KCNQ3: variants seen among roughly 807,000 people sequenced by gnomAD.
KCNQ3 encodes the protein potassium voltage-gated channel subfamily KQT member 3.
In KCNQ3, 30 loss-of-function variants were observed where a neutral mutation model predicts 92.5. The ratio of observed to expected loss-of-function variants is 0.32; its 90% CI spans 0.24 to 0.44. KCNQ3 has a LOEUF of 0.44. KCNQ3 is among the 20% of genes least tolerant of loss of function. The pLI, the probability that KCNQ3 is intolerant of heterozygous loss-of-function variation, is 1.00. For missense variants in KCNQ3, 913 were observed against 1,140.3 expected, an observed-to-expected ratio of 0.80 and a Z score of 2.87; for synonymous variants, 450 against 468.8, an observed-to-expected ratio of 0.96 and a Z score of 0.52.
intron 9 of KCNQ3, among the ~76,000 whole-genome samples, chr8:132,160,043 C>T (rs963848917): frequency 3.3e-5 from 5 of 152,090 alleles, no homozygotes; most frequent in African/African-American, 7.2e-5. Context: ...ATATAACAGG[C>T]AATCATCATA....
At chr8:132,338,191 T>C (rs1818420468) in intron 1 of KCNQ3, among the ~76,000 whole-genome samples, 1 of 152,160 alleles carries the variant, frequency 6.6e-6, no homozygotes, top group Non-Finnish European at 1.5e-5. Context: ...TGTGAGAGTA[T>C]CAGCATGCCT....
chr8:132,143,046 G>A (rs1444757764), intron 9 of KCNQ3, among the ~76,000 whole-genome samples: 3 of 152,242 alleles, frequency 2.0e-5, no homozygotes, highest in Non-Finnish European at 2.9e-5. Context: ...AAAAACAAAC[G>A]AGTGAATGAA....
At chr8:132,329,779 T>A (rs148609177) in intron 1 of KCNQ3, among the ~76,000 whole-genome samples, 1 of 152,296 alleles carries the variant, frequency 6.6e-6, no homozygotes, top group Non-Finnish European at 1.5e-5. Context: ...CAAAGCAGCT[T>A]GATTATCCAG....
chr8:132,124,786 C>G lies in KCNQ3; in HGVS notation c.*4476G>C, dbSNP rs1348616869. 2 of 152,164 alleles carry G rather than the reference C, an allele frequency of 1.3e-5. No individual in the cohort carries two copies. Among genetic ancestry groups the G allele is most frequent in the African/African-American group, 4.8e-5 (2 of 41,448 alleles). 9.4% of individuals were successfully genotyped at this position (152,164 alleles called of 1,614,324 possible). On this transcript the variant is annotated 3_prime_UTR_variant, in exon 15 of 15. Coordinates refer to ENST00000388996, the MANE Select transcript of KCNQ3 (RefSeq NM_004519.4). Reference sequence around the variant, plus strand: ...CAAATTCCTAAGGATGCCTGGGGTTCAGGAAGCAAAGAAGAATCTTTGGTT... The same window carrying G: ...CAAATTCCTAAGGATGCCTGGGGTTGAGGAAGCAAAGAAGAATCTTTGGTT...
At chr8:132,285,237 G>C (rs1816647109) in intron 1 of KCNQ3, among the ~76,000 whole-genome samples, 1 of 152,196 alleles carries the variant, frequency 6.6e-6, no homozygotes, top group African/African-American at 2.4e-5. Flanking sequence ...AGTATTAAGG[G>C]TGATTCTGGT....
At chr8:132,208,257 AGGTAGGCAT>A (rs1469693898) in intron 1 of KCNQ3, among the ~76,000 whole-genome samples, 1 of 152,052 alleles carries the variant, frequency 6.6e-6, no homozygotes, top group Non-Finnish European at 1.5e-5. Context: ...ATCAGCCTTA[AGGTAGGCAT>A]GGCACATGCT....
intron 1 of KCNQ3, 25 bp downstream of exon 1, chr8:132,480,122 G>A: frequency 1.2e-6 from 2 of 1,603,542 alleles, no homozygotes; most frequent in Non-Finnish European, 1.7e-6. Flanking sequence ...GCCGCCGAGG[G>A]CGCCCCGAGC....
chr8:132,259,718 G>A (rs1351570673), intron 1 of KCNQ3, among the ~76,000 whole-genome samples: 1 of 152,194 alleles, frequency 6.6e-6, no homozygotes, highest in Admixed American at 6.5e-5. Flanking sequence ...AACTATTTCT[G>A]TTTGCAACTG....
At chr8:132,154,193 G>GTTTTTTTTTTTTTTTT (rs869112851) in intron 9 of KCNQ3, among the ~76,000 whole-genome samples, 1,673 of 26,964 alleles carry the variant, frequency 0.062, 263 homozygotes, top group Non-Finnish European at 0.074. Context: ...AAGGGTAAAA[G>GTTTTTTTTTTTTTTTT]TTTTTTTTTT....
intron 1 of KCNQ3, among the ~76,000 whole-genome samples, chr8:132,313,990 A>C (rs541155966): frequency 3.3e-5 from 5 of 152,136 alleles, no homozygotes; most frequent in African/African-American, 9.7e-5. Flanking sequence ...AGAGAGGATA[A>C]TTTTGCTCAG....
chr8:132,260,550 G>A (rs1038177833), intron 1 of KCNQ3, among the ~76,000 whole-genome samples: 7 of 152,174 alleles, frequency 4.6e-5, no homozygotes, highest in Admixed American at 1.3e-4. Flanking sequence ...AAGAGGAAGA[G>A]AGGAAGAGAG....
chr8:132,395,011 G>A (rs986664631), intron 1 of KCNQ3, among the ~76,000 whole-genome samples: 4 of 152,204 alleles, frequency 2.6e-5, no homozygotes, highest in African/African-American at 4.8e-5. Context: ...ATCAGTCAGC[G>A]CAAGCCTCAT....
At chr8:132,467,685 G>T (rs1490922707) in intron 1 of KCNQ3, among the ~76,000 whole-genome samples, 1 of 152,154 alleles carries the variant, frequency 6.6e-6, no homozygotes, top group African/African-American at 2.4e-5. Context: ...AGAAAATGTG[G>T]CCCTGAGTGG....
At chr8:132,312,486 C>A (rs1175211608) in intron 1 of KCNQ3, among the ~76,000 whole-genome samples, 3 of 151,794 alleles carry the variant, frequency 2.0e-5, no homozygotes, top group African/African-American at 7.3e-5. Flanking sequence ...ATATGGGGGG[C>A]TTCAAGTGCA....
chr8:132,350,572 C>T (rs919938518), intron 1 of KCNQ3, among the ~76,000 whole-genome samples: 10 of 152,182 alleles, frequency 6.6e-5, no homozygotes, highest in African/African-American at 1.9e-4. Context: ...AAGGATCCTG[C>T]CAACCAGGCA....
At chr8:132,194,524 G>A (rs1048057526) in intron 1 of KCNQ3, among the ~76,000 whole-genome samples, 1 of 152,198 alleles carries the variant, frequency 6.6e-6, no homozygotes, top group African/African-American at 2.4e-5. Flanking sequence ...GGATGGATTG[G>A]TTAAGGCTGC....
At chr8:132,293,149 C>A (rs1344356098) in intron 1 of KCNQ3, among the ~76,000 whole-genome samples, 2 of 152,206 alleles carry the variant, frequency 1.3e-5, no homozygotes, top group Non-Finnish European at 2.9e-5. Flanking sequence ...CCTTACCCAT[C>A]TCTTCATCTA....
At chr8:132,257,015 T>G (rs1815610771) in intron 1 of KCNQ3, among the ~76,000 whole-genome samples, 1 of 152,148 alleles carries the variant, frequency 6.6e-6, no homozygotes, top group South Asian at 2.1e-4. Context: ...TCTATCTGAT[T>G]TAAAAGACAA....
At chr8:132,297,448 T>A (rs1007903871) in intron 1 of KCNQ3, among the ~76,000 whole-genome samples, 2 of 152,156 alleles carry the variant, frequency 1.3e-5, no homozygotes, top group Non-Finnish European at 2.9e-5. Context: ...CATGACCTAT[T>A]CTATTTAAAA....
Sources: allele counts gnomAD v4.1 joint callset (sites outside exome capture counted in the v4.1 genomes callset), GRCh38; gene constraint gnomAD v4.1.1; transcripts MANE v1.5; gene names NCBI Gene and HGNC (gene_info 2026-07-23, HGNC 2026-07-21).